ACBD4: variants seen among roughly 807,000 people sequenced by gnomAD.
The protein encoded by ACBD4 is acyl-CoA-binding domain-containing protein 4.
ACBD4 carries 41 observed loss-of-function variants against 46.0 expected under a neutral mutation model. The ratio of observed to expected loss-of-function variants is 0.89; its 90% CI spans 0.69 to 1.16. ACBD4 has a LOEUF of 1.16. ACBD4 is among the 50% of genes most tolerant of loss of function. The probability of loss-of-function intolerance (pLI) is 0.00; values close to 1 mark genes in which losing one functional copy is unlikely to be tolerated. For missense variants in ACBD4, 393 were observed against 399.5 expected (o/e 0.98, Z 0.14); for synonymous variants, 162 against 155.9 (o/e 1.04, Z -0.29).
chr17:45,135,561 T>C (rs545758702), upstream of ACBD4: 2 of 152,504 alleles, frequency 1.3e-5, no homozygotes, highest in South Asian at 4.1e-4. Flanking sequence ...ACTATTTGCA[T>C]GATCTTGAAA....
At chr17:45,139,645 G>A (rs2055137961) in intron 9 of ACBD4, among the ~76,000 whole-genome samples, 1 of 152,148 alleles carries the variant, frequency 6.6e-6, no homozygotes, top group Non-Finnish European at 1.5e-5. Context: ...GCCCCGCTGG[G>A]TGCGAAACAC....
At chr17:45,132,000 C>T (rs2054460449), upstream of ACBD4, among the ~76,000 whole-genome samples, 1 of 152,170 alleles carries the variant, frequency 6.6e-6, no homozygotes, top group Non-Finnish European at 1.5e-5. Flanking sequence ...CCCGAATTCG[C>T]GCTTCAGACG....
chr17:45,139,104 CA>C lies in ACBD4; in HGVS notation c.734del (p.Gln245ArgfsTer85). On this transcript the variant is annotated frameshift_variant, in exon 9 of 10. Coordinates refer to ENST00000321854, the MANE Select transcript of ACBD4 (RefSeq NM_001135705.3). LOFTEE classifies it high-confidence loss of function. ...GTVRALQESM[Q>X]EVQARVQSLE... ...AGTTCGAGCACTACAGGAGAGCATG[CA>C]GGAGGTGCAGGCGAGGGTGCAGAGC... 1 of 1,613,872 alleles carries C rather than the reference CA, an allele frequency of 6.2e-7. No homozygotes were observed. The highest frequency in any genetic ancestry group is 8.5e-7 in the Non-Finnish European group (1 of 1,180,024).
At position 45,143,683 on chromosome 17, in the gene ACBD4, T is replaced by G; in HGVS notation, c.*112T>G. The G allele has an allele frequency of 6.4e-7, 1 of 1,574,754 alleles. No homozygotes were observed. Among genetic ancestry groups the G allele is most frequent in the Non-Finnish European group, 8.7e-7 (1 of 1,151,378 alleles). The stretch of plus-strand genomic sequence containing the variant: ...ATTCCCCGTCCTGTCAGTGTTTGCC[T>G]TCGCACCTCCTCCCCTAAAGCAGCG... On this transcript the variant is annotated 3_prime_UTR_variant, in exon 10 of 10. Coordinates refer to ENST00000321854, the MANE Select transcript of ACBD4 (RefSeq NM_001135705.3).
rs1425285107 is a variant in ACBD4 at position 45,140,005 on chromosome 17, G to T, written c.789+845G>T. Among the ~76,000 whole-genome samples the T allele has an allele frequency of 2.6e-5, 4 of 152,120 alleles. No homozygotes were observed. The South Asian group carries it at 8.3e-4, about 32-fold the overall frequency. ...TCTTGAAAAGCCTGAGGTAGTGGGG[G>T]CAGAGAGGGCTGGGTTCCCAGATGT... On this transcript the variant is annotated intron_variant, in intron 9 of 9. Coordinates refer to ENST00000321854, the MANE Select transcript of ACBD4 (RefSeq NM_001135705.3).
chr17:45,138,777 C>T (rs2055052533), intron 8 of ACBD4, among the ~76,000 whole-genome samples: 1 of 144,420 alleles, frequency 6.9e-6, no homozygotes, highest in South Asian at 2.2e-4. Context: ...GGCAACAGAG[C>T]AAGACTGTCT....
At position 45,137,955 on chromosome 17, in the gene ACBD4, C is replaced by A; in HGVS notation, c.616C>A (p.Pro206Thr). ...QRAASGGKRDPRNSPVPPTKK... is the reference protein window; with the variant it reads ...QRAASGGKRDTRNSPVPPTKK... ...GGCAGCATCTGGAGGAAAGCGTGAT[C>A]CCAGGAACAGCCCCGTGCCCCCCAC... is the stretch of plus-strand genomic sequence containing the variant. The change falls in exon 8 of 10, where the codon CCC becomes ACC. Residue 206 changes from proline to threonine, a missense_variant. This residue lies in a region of ACBD4 where 308 missense variants were observed against 301.8 expected (regional missense o/e 1.02). Coordinates refer to ENST00000321854, the MANE Select transcript of ACBD4 (RefSeq NM_001135705.3). 1.2e-6 allele frequency: 2 copies of A among 1,613,920 alleles called. No homozygotes were observed. The highest frequency in any genetic ancestry group is 1.7e-6 in the Non-Finnish European group (2 of 1,180,000).
At chr17:45,138,089 C>T in intron 8 of ACBD4, 101 bp downstream of exon 8, 2 of 1,218,174 alleles carry the variant, frequency 1.6e-6, no homozygotes, top group Non-Finnish European at 1.2e-6. Context: ...GTTGAAAGTC[C>T]ATTGCTGGGC....
rs771241012 is a variant in ACBD4, at chr17:45,139,164, G to A, written c.789+4G>A. 1.2e-6 allele frequency: 2 copies of A among 1,613,172 alleles called. No homozygotes were observed. Among genetic ancestry groups the A allele is most frequent in the South Asian group, 1.1e-5 (1 of 91,082 alleles). On this transcript the variant is annotated splice_donor_region_variant and intron_variant, in intron 9 of 9. Transcript: ENST00000321854. Reference sequence around the variant, plus strand: ...CATGCCCCGGCCCCCTGAGCAGGTAGAGTCCCCCACCCCATAGGACAAGAT... The same window carrying A: ...CATGCCCCGGCCCCCTGAGCAGGTAAAGTCCCCCACCCCATAGGACAAGAT...
intron 9 of ACBD4, among the ~76,000 whole-genome samples, chr17:45,140,139 C>G (rs1353608656): frequency 6.6e-6 from 1 of 151,930 alleles, no homozygotes; most frequent in African/African-American, 2.4e-5. Flanking sequence ...CTGCTCCTCC[C>G]CCTCAACAGG....
intron 8 of ACBD4, 108 bp downstream of exon 8, chr17:45,138,096 G>A: frequency 8.5e-7 from 1 of 1,181,636 alleles, no homozygotes; most frequent in Non-Finnish European, 1.2e-6. Flanking sequence ...GTCCATTGCT[G>A]GGCACTGAGC....
intron 9 of ACBD4, among the ~76,000 whole-genome samples, chr17:45,139,648 C>A (rs573799448): frequency 6.6e-6 from 1 of 152,318 alleles, no homozygotes; most frequent in East Asian, 1.9e-4. Flanking sequence ...CCGCTGGGTG[C>A]GAAACACTCA....
chr17:45,132,478 T>C (rs553112982), upstream of ACBD4: 3,295 of 945,598 alleles, frequency 3.5e-3, 4 homozygotes, highest in Non-Finnish European at 3.9e-3. The surrounding 1 kb of genome is among the most constrained non-coding windows in gnomAD (Gnocchi z 4.6). Context: ...GGCGCCGCTC[T>C]GGCCCGGCCC....
rs1422072913 is a variant in ACBD4 at position 45,137,414 on chromosome 17, G to A, written c.462G>A (p.Glu154=). Residue 154 remains glutamate, a synonymous_variant, in exon 6 of 10, where the codon GAG becomes GAA. Transcript: ENST00000321854. ...ATGGAGATGTTGGGGCTGTTTCAGA[G>A]CCTCCCTGCCTCCCCAAGGAACCGG... ...VVNGDVGAVS[E]PPCLPKEPAP... 6.2e-7 allele frequency: 1 copy of A among 1,614,058 alleles called. No individual in the cohort carries two copies. Among genetic ancestry groups the A allele is most frequent in the Non-Finnish European group, 8.5e-7 (1 of 1,179,994 alleles).
intron 8 of ACBD4, chr17:45,138,276 C>T (rs958220415): frequency 1.5e-5 from 8 of 544,754 alleles, no homozygotes; most frequent in Non-Finnish European, 2.0e-5. Context: ...CCACCTACAG[C>T]TGCACAGCCT....
intron 8 of ACBD4, 118 bp from the exon 9 acceptor site, chr17:45,138,903 T>C (rs988105538): frequency 2.9e-5 from 32 of 1,105,574 alleles, no homozygotes; most frequent in Non-Finnish European, 1.3e-6. Context: ...GAATCACACT[T>C]GGTACAGCGA....
At chr17:45,131,758 C>T (rs2143615311), upstream of ACBD4, among the ~76,000 whole-genome samples, 1 of 152,362 alleles carries the variant, frequency 6.6e-6, no homozygotes, top group Non-Finnish European at 1.5e-5. Flanking sequence ...TAGACCAGTC[C>T]TGCCAGAGCA....
upstream of ACBD4, chr17:45,133,063 T>C (rs908358143): frequency 6.6e-6 from 1 of 152,462 alleles, no homozygotes; most frequent in Admixed American, 6.5e-5. Flanking sequence ...AGCCACAGTC[T>C]CGGAGCTGAC....
At chr17:45,141,389 G>A (rs1251130500) in intron 9 of ACBD4, among the ~76,000 whole-genome samples, 1 of 151,878 alleles carries the variant, frequency 6.6e-6, no homozygotes, top group African/African-American at 2.4e-5. Flanking sequence ...CTTGATTAGA[G>A]TCACATTAAA....
Sources: gnomAD v4.1 joint callset for allele counts (sites outside exome capture counted in the v4.1 genomes callset) on GRCh38, gnomAD v4.1.1 for gene constraint, gnomAD v4.1.1 regional missense constraint, Gnocchi (gnomAD v3.1) non-coding constraint, MANE v1.5 for transcripts, NCBI Gene and HGNC (gene_info 2026-07-23, HGNC 2026-07-21) for gene names.